Variants in ELAPOR1 observed in about 807,000 individuals in gnomAD.
The protein encoded by ELAPOR1 is endosome/lysosome-associated apoptosis and autophagy regulator 1.
A neutral mutation model predicts 119.7 loss-of-function variants in ELAPOR1; 77 were observed. The ratio of observed to expected loss-of-function variants is 0.64; its 90% confidence interval spans 0.54 to 0.78. The LOEUF is 0.78. ELAPOR1 is among the 30% of genes least tolerant of loss of function. ELAPOR1 has a pLI of 0.00. For missense variants in ELAPOR1, 1,115 were observed against 1,270.4 expected, an observed-to-expected ratio of 0.88 and a Z score of 1.86; for synonymous variants, 481 against 487.2, an observed-to-expected ratio of 0.99 and a Z score of 0.17.
chr1:109,199,727 C>A, intron 18 of ELAPOR1, 127 bp from the exon 19 acceptor site: 1 of 1,103,156 alleles, frequency 9.1e-7, no homozygotes, highest in Non-Finnish European at 1.3e-6. Flanking sequence ...TGGAAGGATC[C>A]TGGTAGGGCT....
At chr1:109,201,670 T>G (rs1447402091) in intron 21 of ELAPOR1, among the ~76,000 whole-genome samples, 2 of 152,144 alleles carry the variant, frequency 1.3e-5, no homozygotes, top group Non-Finnish European at 2.9e-5. Context: ...AAGTCTTGTT[T>G]CCTTTGTGCT....
At chr1:109,154,460 C>T (rs918730085) in intron 1 of ELAPOR1, among the ~76,000 whole-genome samples, 1 of 152,082 alleles carries the variant, frequency 6.6e-6, no homozygotes, top group Admixed American at 6.6e-5. Context: ...TAGAATGAAT[C>T]GAATGACCAC....
rs147696090 is a variant in ELAPOR1, at chr1:109,161,894, T to A, written c.154T>A (p.Ser52Thr). The A allele has an allele frequency of 1.3e-5, 21 of 1,609,856 alleles. No homozygotes were observed. In the African/African-American group the frequency reaches 2.7e-4, roughly 20 times the overall value. Residue 52 changes from serine (S) to threonine (T), a missense_variant and splice_region_variant, in exon 2 of 22, where the codon TCT becomes ACT. By Grantham distance (58) the Ser-to-Thr change is moderately conservative. Coordinates refer to ENST00000369939, the MANE Select transcript of ELAPOR1 (RefSeq NM_020775.5). ...TCGCCCACTGTTCTCTCCCCTGCAG[T>A]CTGAGTACCACTATGAGTACACGGC... ...TGPELHACKE[S>T]EYHYEYTACD...
intron 1 of ELAPOR1, among the ~76,000 whole-genome samples, chr1:109,156,254 A>G (rs1012918313): frequency 7.2e-5 from 11 of 152,192 alleles, no homozygotes; most frequent in Non-Finnish European, 1.3e-4. Context: ...ACTCAATAGA[A>G]TAACTCAGAG....
At chr1:109,198,494 C>A in intron 17 of ELAPOR1, 79 bp from the exon 18 acceptor site, 1 of 1,283,328 alleles carries the variant, frequency 7.8e-7, no homozygotes, top group Non-Finnish European at 1.1e-6. Context: ...GGAATTGCTC[C>A]ATGCGGATTT....
chr1:109,173,606 C>CT (rs999727845), intron 6 of ELAPOR1, 27 bp downstream of exon 6: 3 of 1,613,326 alleles, frequency 1.9e-6, no homozygotes, highest in Non-Finnish European at 2.5e-6. Flanking sequence ...TACTGACTTC[C>CT]TGGGCTGTTG....
At chr1:109,152,977 A>T (rs1650631301) in intron 1 of ELAPOR1, among the ~76,000 whole-genome samples, 2 of 151,388 alleles carry the variant, frequency 1.3e-5, no homozygotes, top group African/African-American at 4.8e-5. Context: ...AAAGAAAGAA[A>T]AAAAGGACCA....
rs2274186 is a variant in ELAPOR1, at chr1:109,189,535, G to A, written c.1349-57G>A. 4,350 of 1,465,170 alleles carry A rather than the reference G, an allele frequency of 3.0e-3. 88 individuals carry two copies. In the East Asian group the frequency reaches 0.039, roughly 13 times the overall value. The allele number at this position is 1,465,170 out of a possible 1,614,324, so 90.8% of individuals were successfully genotyped here. On this transcript the variant is annotated intron_variant, in intron 10 of 21. Coordinates refer to ENST00000369939, the MANE Select transcript of ELAPOR1 (RefSeq NM_020775.5). ...CTCCCTTCCAGAGTGTCATCTGGGTGCACATTTGCCTTGCACCCAAGAGCA... is the reference window on the plus strand; with the variant it reads ...CTCCCTTCCAGAGTGTCATCTGGGTACACATTTGCCTTGCACCCAAGAGCA...
chr1:109,189,307 A>C, intron 10 of ELAPOR1, 113 bp downstream of exon 10: 25 of 1,332,688 alleles, frequency 1.9e-5, no homozygotes, highest in Middle Eastern at 2.0e-4. Context: ...TAACCATGTC[A>C]TGCATTCCCT....
chr1:109,197,238 G>A (rs936648365), intron 15 of ELAPOR1, among the ~76,000 whole-genome samples: 1 of 151,996 alleles, frequency 6.6e-6, no homozygotes, highest in African/African-American at 2.4e-5. Context: ...AGTGAGCTAT[G>A]ATTGCACCAT....
chr1:109,148,575 A>G (rs1350884565), intron 1 of ELAPOR1, among the ~76,000 whole-genome samples: 1 of 152,204 alleles, frequency 6.6e-6, no homozygotes, highest in Admixed American at 6.5e-5. Context: ...GCAGCTGCTC[A>G]TATCTATTTG....
At chr1:109,183,205 A>T (rs1652803138) in intron 7 of ELAPOR1, among the ~76,000 whole-genome samples, 3 of 151,902 alleles carry the variant, frequency 2.0e-5, no homozygotes, top group Admixed American at 2.0e-4. Context: ...TTAAAGAGAG[A>T]GTCAAGCACA....
chr1:109,158,433 T>C (rs1177972290), intron 1 of ELAPOR1, among the ~76,000 whole-genome samples: 4 of 151,916 alleles, frequency 2.6e-5, no homozygotes. Flanking sequence ...GACAGATCAG[T>C]CAATACAGGC....
intron 1 of ELAPOR1, among the ~76,000 whole-genome samples, chr1:109,144,440 TC>T (rs1650052573): frequency 6.6e-6 from 1 of 152,284 alleles, no homozygotes; most frequent in Non-Finnish European, 1.5e-5. Flanking sequence ...TGAATAATTT[TC>T]TTAGAAATAG....
chr1:109,191,990 C>A, intron 13 of ELAPOR1, 127 bp downstream of exon 13: 1 of 1,170,544 alleles, frequency 8.5e-7, no homozygotes, highest in Non-Finnish European at 1.2e-6. Context: ...GGGGGTCAAG[C>A]AGAAAACTGC....
At chr1:109,165,595 A>AAAAAC (rs1651544421) in intron 3 of ELAPOR1, among the ~76,000 whole-genome samples, 2 of 151,748 alleles carry the variant, frequency 1.3e-5, no homozygotes, top group African/African-American at 4.8e-5. Flanking sequence ...AAAAAAAAAA[A>AAAAAC]AAAAAGAAAA....
At chr1:109,145,398 A>G (rs1284526989) in intron 1 of ELAPOR1, among the ~76,000 whole-genome samples, 4 of 152,178 alleles carry the variant, frequency 2.6e-5, no homozygotes, top group Admixed American at 1.3e-4. Flanking sequence ...GCTCATGCCT[A>G]TAATCCCAGC....
chr1:109,187,117 G>A (rs560268542), intron 8 of ELAPOR1: 15 of 985,484 alleles, frequency 1.5e-5, no homozygotes, highest in East Asian at 2.3e-4. Context: ...GACACACCTC[G>A]AGCTGGCTCC....
chr1:109,172,401 G>T, intron 4 of ELAPOR1, 87 bp from the exon 5 acceptor site: 1 of 952,198 alleles, frequency 1.1e-6, no homozygotes, highest in Non-Finnish European at 1.7e-6. Context: ...ATAAAGAAGG[G>T]CCCTCTGGAG....
Sources: allele counts gnomAD v4.1 joint callset (sites outside exome capture counted in the v4.1 genomes callset), GRCh38; gene constraint gnomAD v4.1.1; transcripts MANE v1.5; gene names NCBI Gene and HGNC (gene_info 2026-07-23, HGNC 2026-07-21).